The following TOP2A variants were observed in gnomAD, a reference collection of about 807,000 sequenced individuals.
TOP2A encodes the protein DNA topoisomerase II alpha.
In TOP2A, 68 loss-of-function variants were observed where a neutral mutation model predicts 187.2. The ratio of observed to expected loss-of-function variants is 0.36; its 90% CI spans 0.30 to 0.44. The LOEUF (loss-of-function observed/expected upper bound fraction) is 0.44. TOP2A is among the 20% of genes least tolerant of loss of function. The pLI is 1.00. For missense variants in TOP2A, 1,196 were observed against 1,808.7 expected (o/e 0.66, Z 6.14); for synonymous variants, 542 against 593.2 (o/e 0.91, Z 1.25).
At chr17:40,406,809 A>G in intron 14 of TOP2A, 23 bp downstream of exon 14, 1 of 1,590,586 alleles carries the variant, frequency 6.3e-7, no homozygotes, top group Non-Finnish European at 8.6e-7. Flanking sequence ...AATATCCATG[A>G]TGGTACTTAG....
chr17:40,393,544 G>C (rs2035053129), intron 29 of TOP2A, among the ~76,000 whole-genome samples: 1 of 152,018 alleles, frequency 6.6e-6, no homozygotes, highest in African/African-American at 2.4e-5. Flanking sequence ...TCAATCAGTG[G>C]AACAGAATTG....
intron 19 of TOP2A, among the ~76,000 whole-genome samples, chr17:40,403,256 A>G (rs1163549668): frequency 1.3e-5 from 2 of 152,160 alleles, no homozygotes; most frequent in Non-Finnish European, 2.9e-5. Context: ...TTTCTATTAA[A>G]TCCCACTCAA....
At chr17:40,409,046 T>C (rs781298175) in intron 10 of TOP2A, 23 of 347,586 alleles carry the variant, frequency 6.6e-5, no homozygotes, top group African/African-American at 1.3e-4. Flanking sequence ...AATACAAAAA[T>C]TAGCTGGCGT....
chr17:40,407,792 T>C (rs1315907911), intron 12 of TOP2A, 118 bp from the exon 13 acceptor site: 2 of 1,198,302 alleles, frequency 1.7e-6, no homozygotes, highest in Non-Finnish European at 1.2e-6. Context: ...TATTAGCTTA[T>C]AATTTACTAC....
At chr17:40,399,485 A>G (rs2035147970) in intron 24 of TOP2A, among the ~76,000 whole-genome samples, 1 of 150,880 alleles carries the variant, frequency 6.6e-6, no homozygotes, top group Non-Finnish European at 1.5e-5. Flanking sequence ...AGAGAGTAGA[A>G]GCCATTCGTA....
rs1227680694 is a variant in TOP2A, at chr17:40,411,294, AT to A, written c.1066-49del. The A allele has an allele frequency of 6.2e-7, 1 of 1,612,574 alleles. No homozygotes were observed. Among genetic ancestry groups the A allele is most frequent in the Non-Finnish European group, 8.5e-7 (1 of 1,179,390 alleles). ...GCCACTAAAAATGTACTCATGCTTTATTTATAGCCTTTCTCTTCTTCCTTGA... is the reference window on the plus strand; with the variant it reads ...GCCACTAAAAATGTACTCATGCTTTATTATAGCCTTTCTCTTCTTCCTTGA... On this transcript the variant is annotated intron_variant, in intron 9 of 34. Coordinates refer to ENST00000423485, the MANE Select transcript of TOP2A (RefSeq NM_001067.4). This position sits in a 1 kb window ranked among gnomAD's most constrained non-coding sequence, Gnocchi z 4.4.
In TOP2A at chr17:40,406,953, T is replaced by C; in HGVS notation, c.1627-11A>G. On this transcript the variant is annotated splice_polypyrimidine_tract_variant and intron_variant, in intron 13 of 34. Transcript: ENST00000423485. The stretch of plus-strand genomic sequence containing the variant: ...GGAACCATCTTGGTCCTAGAAAGAT[T>C]TGAAAGCCAAAGTTCAAAAGAACTG... The C allele has an allele frequency of 6.4e-7, 1 of 1,572,572 alleles. No homozygotes were observed. The highest frequency in any genetic ancestry group is 8.7e-7 in the Non-Finnish European group (1 of 1,155,110).
intron 13 of TOP2A, 113 bp downstream of exon 13, chr17:40,407,436 G>T: frequency 2.4e-6 from 2 of 819,596 alleles, no homozygotes; most frequent in Non-Finnish European, 3.7e-6. Context: ...GATTAGAGAT[G>T]ATGAATAAAG....
At chr17:40,401,807 C>A (rs997046467) in intron 20 of TOP2A, among the ~76,000 whole-genome samples, 2 of 151,828 alleles carry the variant, frequency 1.3e-5, no homozygotes, top group East Asian at 3.9e-4. Flanking sequence ...AAGTAAAAGG[C>A]CCTGAAGAGG....
rs2035130910 is a variant in TOP2A at position 40,398,432 on chromosome 17, GAATT to G, written c.3537+122_3537+125del. 3.6e-5 allele frequency: 30 copies of G among 840,018 alleles called. No homozygotes were observed. The South Asian group carries it at 5.4e-4, about 15-fold the overall frequency. The allele number at this position is 840,018 out of a possible 1,614,324, so 52.0% of individuals were successfully genotyped here. On this transcript the variant is annotated intron_variant, in intron 27 of 34. Transcript: ENST00000423485. ...AATCTGTTCTTTTATACGCTATTTG[GAATT>G]TATCCTTATGCCTCTTATTTTCTTT...
chr17:40,402,385 TG>T (rs1261045577), intron 20 of TOP2A, among the ~76,000 whole-genome samples: 1 of 152,150 alleles, frequency 6.6e-6, no homozygotes, highest in Non-Finnish European at 1.5e-5. Flanking sequence ...GTGTAGGCAT[TG>T]GAAAGAGATC....
At position 40,408,139 on chromosome 17, in the gene TOP2A, T is replaced by C; in HGVS notation, c.1343-15A>G. 1.3e-6 allele frequency: 2 copies of C among 1,558,220 alleles called. No homozygotes were observed. The highest frequency in any genetic ancestry group is 8.7e-7 in the Non-Finnish European group (1 of 1,148,518). ...GTTTCGGCCCCCTAAAATAAAAATA[T>C]ACATATTAATATTAGCACATTTAGT... On this transcript the variant is annotated splice_polypyrimidine_tract_variant and intron_variant, in intron 11 of 34. Transcript: ENST00000423485.
chr17:40,395,304 A>T, intron 29 of TOP2A, 145 bp downstream of exon 29: 1 of 370,138 alleles, frequency 2.7e-6, no homozygotes, highest in Non-Finnish European at 4.8e-6. Context: ...AAAAAAAAAA[A>T]GAGGTCCAAG....
At chr17:40,409,193 T>TA in intron 10 of TOP2A, 2 of 62,256 alleles carry the variant, frequency 3.2e-5, no homozygotes, top group South Asian at 1.0e-4. Context: ...AAACTCCGTC[T>TA]CAAAAAAAAA....
intron 29 of TOP2A, among the ~76,000 whole-genome samples, chr17:40,394,891 A>T (rs529613666): frequency 3.3e-5 from 5 of 152,338 alleles, no homozygotes; most frequent in South Asian, 4.1e-4. Context: ...GAAATCTAAT[A>T]AACTGGGTAT....
intron 17 of TOP2A, 47 bp downstream of exon 17, chr17:40,404,744 A>C (rs756800554): frequency 9.2e-5 from 115 of 1,254,704 alleles, no homozygotes; most frequent in Non-Finnish European, 1.3e-4. Flanking sequence ...CAATACCAAA[A>C]GGTCAGTCTA....
At chr17:40,400,473 T>A in intron 22 of TOP2A, 56 bp downstream of exon 22, 1 of 1,600,888 alleles carries the variant, frequency 6.2e-7, no homozygotes, top group Non-Finnish European at 8.5e-7. Flanking sequence ...ACAGCAATAG[T>A]ACAAAAGGTA....
In TOP2A at chr17:40,398,785, T is replaced by C. The variant is rs2035135789; in HGVS notation, c.3441A>G (p.Leu1147=). The C allele has an allele frequency of 3.1e-6, 5 of 1,609,172 alleles. No homozygotes were observed. The highest frequency in any genetic ancestry group is 4.2e-6 in the Non-Finnish European group (5 of 1,178,602). Residue 1147 remains leucine, a synonymous_variant, in exon 26 of 35, where the codon CTA becomes CTG. Coordinates refer to ENST00000423485, the MANE Select transcript of TOP2A (RefSeq NM_001067.4). The part of the protein sequence containing the change: ...TKEKKDELCR[L]RNEKEQELDT... ...ACTATCAACTCACTTTTTCATTTCT[T>C]AGCCTGCAGAGTTCATCTTTCTTTT... is the stretch of plus-strand genomic sequence containing the variant.
At chr17:40,404,037 A>G (rs1016107637) in intron 19 of TOP2A, 115 bp downstream of exon 19, 1 of 1,352,312 alleles carries the variant, frequency 7.4e-7, no homozygotes, top group Admixed American at 2.5e-5. Flanking sequence ...AGGTTTTACC[A>G]ACTTGTTCTT....
Sources: allele counts gnomAD v4.1 joint callset (sites outside exome capture counted in the v4.1 genomes callset), GRCh38; gene constraint gnomAD v4.1.1; non-coding constraint Gnocchi (gnomAD v3.1); transcripts MANE v1.5; gene names NCBI Gene and HGNC (gene_info 2026-07-23, HGNC 2026-07-21).